Variants in PTPRG observed in about 807,000 individuals in gnomAD.
The protein encoded by PTPRG is protein tyrosine phosphatase receptor type G.
A neutral mutation model predicts 165.3 loss-of-function variants in PTPRG; 102 were observed. That is an observed-to-expected ratio of 0.62 (90% confidence interval 0.53 to 0.73). The LOEUF (loss-of-function observed/expected upper bound fraction) is 0.73, where lower values mean the gene tolerates loss of function less well. Among genes scored for constraint, PTPRG ranks in the 30% least tolerant of loss-of-function variants. PTPRG has a pLI of 0.00. For missense variants in PTPRG, 1,866 were observed against 1,861.4 expected, an observed-to-expected ratio of 1.00 and a Z score of -0.05; for synonymous variants, 675 against 669.5, an observed-to-expected ratio of 1.01 and a Z score of -0.13.
chr3:62,159,997 C>T (rs1273411437), intron 7 of PTPRG, among the ~76,000 whole-genome samples: 2 of 152,208 alleles, frequency 1.3e-5, no homozygotes, highest in African/African-American at 4.8e-5. Flanking sequence ...ACAGAATGTT[C>T]ATTTCAGAAA....
intron 2 of PTPRG, among the ~76,000 whole-genome samples, chr3:61,775,959 G>A (rs1172185752): frequency 6.6e-6 from 1 of 151,654 alleles, no homozygotes; most frequent in African/African-American, 2.4e-5. Flanking sequence ...GATAGCATTA[G>A]GAGATATAAC....
At chr3:62,285,641 A>AAT (rs1702622771) in intron 28 of PTPRG, among the ~76,000 whole-genome samples, 1 of 152,100 alleles carries the variant, frequency 6.6e-6, no homozygotes, top group African/African-American at 2.4e-5. Flanking sequence ...GCACAGCTTA[A>AAT]AGACAAACTG....
At chr3:61,590,623 A>G (rs181402390) in intron 1 of PTPRG, among the ~76,000 whole-genome samples, 2 of 152,338 alleles carry the variant, frequency 1.3e-5, no homozygotes, top group African/African-American at 4.8e-5. Context: ...GCTGCCCTAG[A>G]GTATGAAGAG....
chr3:61,621,763 C>A (rs2106903113), intron 1 of PTPRG, among the ~76,000 whole-genome samples: 1 of 152,194 alleles, frequency 6.6e-6, no homozygotes, highest in African/African-American at 2.4e-5. Context: ...TAGATATGTC[C>A]CTTCATCCAA....
At chr3:62,145,503 T>G (rs111774337) in intron 6 of PTPRG, among the ~76,000 whole-genome samples, 8 of 152,290 alleles carry the variant, frequency 5.3e-5, no homozygotes, top group Admixed American at 2.0e-4. Context: ...GTTGCTCAAC[T>G]TAATTCGTCC....
chr3:61,899,223 C>T (rs1470378723), intron 2 of PTPRG, among the ~76,000 whole-genome samples: 1 of 152,106 alleles, frequency 6.6e-6, no homozygotes, highest in Non-Finnish European at 1.5e-5. Context: ...GCCTAGGTTC[C>T]TTGTGTGCCC....
At chr3:61,751,582 G>A (rs1176997062) in intron 2 of PTPRG, among the ~76,000 whole-genome samples, 3 of 152,154 alleles carry the variant, frequency 2.0e-5, no homozygotes, top group East Asian at 3.9e-4. Flanking sequence ...AGTTCAAAGC[G>A]AAGTTTTGTT....
chr3:62,281,916 C>G (rs1446759364), intron 27 of PTPRG, among the ~76,000 whole-genome samples: 3 of 151,934 alleles, frequency 2.0e-5, no homozygotes, highest in South Asian at 4.1e-4. Flanking sequence ...TCCTCTGATT[C>G]AGCATGCATA....
rs80217608 is a variant in PTPRG at position 61,847,428 on chromosome 3, C to G, written c.190+98446C>G. On this transcript the variant is annotated intron_variant, in intron 2 of 29. Coordinates refer to ENST00000474889, the MANE Select transcript of PTPRG (RefSeq NM_002841.4). ...CACCTTGATCTTGGACTTCTGCCCTCCAGAGCTGTGAGACAACAACTGTTG... is the reference window on the plus strand; with the variant it reads ...CACCTTGATCTTGGACTTCTGCCCTGCAGAGCTGTGAGACAACAACTGTTG... Among the ~76,000 whole-genome samples, 74 of 152,270 alleles carry G rather than the reference C, an allele frequency of 4.9e-4. 1 individual carries two copies. In the East Asian group the frequency reaches 6.9e-3, roughly 14 times the overall value.
rs745595266 is a variant in PTPRG at position 61,888,322 on chromosome 3, G to GT, written c.191-101295dup. ...TATTTCTGTTCTAGGAAAATGGGTT[G>GT]TTTTTTTTGTTTGTTTGTTTGTTGT... On this transcript the variant is annotated intron_variant, in intron 2 of 29. Coordinates refer to ENST00000474889, the MANE Select transcript of PTPRG (RefSeq NM_002841.4). Among the ~76,000 whole-genome samples the GT allele has an allele frequency of 3.6e-3, 543 of 149,502 alleles. 3 individuals are homozygous for GT. Among genetic ancestry groups the GT allele is most frequent in the African/African-American group, 0.013 (512 of 39,534 alleles).
At chr3:62,276,268 G>C (rs530214553) in intron 24 of PTPRG, among the ~76,000 whole-genome samples, 1 of 152,116 alleles carries the variant, frequency 6.6e-6, no homozygotes, top group Non-Finnish European at 1.5e-5. Flanking sequence ...GTAGAATACA[G>C]CTTCATTTCA....
At chr3:61,933,288 A>T (rs2039406148) in intron 2 of PTPRG, among the ~76,000 whole-genome samples, 1 of 152,190 alleles carries the variant, frequency 6.6e-6, no homozygotes, top group South Asian at 2.1e-4. Context: ...TCCCCTCTGC[A>T]GTAAGAGTGC....
intron 1 of PTPRG, among the ~76,000 whole-genome samples, chr3:61,742,303 A>T (rs565344129): frequency 6.6e-6 from 1 of 152,196 alleles, no homozygotes; most frequent in South Asian, 2.1e-4. Context: ...GGCTCTGGGA[A>T]ATTAAATGAG....
At chr3:62,060,371 A>G (rs1700769524) in intron 4 of PTPRG, among the ~76,000 whole-genome samples, 1 of 152,192 alleles carries the variant, frequency 6.6e-6, no homozygotes, top group Non-Finnish European at 1.5e-5. Context: ...TCCTGCAAGC[A>G]GTAATAGGTA....
chr3:61,700,942 C>G (rs1489999277), intron 1 of PTPRG, among the ~76,000 whole-genome samples: 2 of 152,176 alleles, frequency 1.3e-5, no homozygotes, highest in Admixed American at 1.3e-4. Flanking sequence ...AGCTTTGCCC[C>G]TATCCGGGTC....
At chr3:62,249,795 A>T (rs1474772649) in intron 15 of PTPRG, among the ~76,000 whole-genome samples, 1 of 152,200 alleles carries the variant, frequency 6.6e-6, no homozygotes, top group Non-Finnish European at 1.5e-5. Context: ...CCTCAAAGCC[A>T]AAGAATATCA....
chr3:61,960,491 C>T (rs1326991028), intron 2 of PTPRG, among the ~76,000 whole-genome samples: 2 of 152,118 alleles, frequency 1.3e-5, no homozygotes, highest in Non-Finnish European at 2.9e-5. Context: ...TTGATCAAGT[C>T]ATAAACCTAA....
At chr3:62,125,049 A>C (rs1160407337) in intron 5 of PTPRG, among the ~76,000 whole-genome samples, 1 of 152,166 alleles carries the variant, frequency 6.6e-6, no homozygotes, top group East Asian at 1.9e-4. Context: ...TGAATCAATG[A>C]GTTTAAGGAG....
intron 1 of PTPRG, among the ~76,000 whole-genome samples, chr3:61,711,113 A>G (rs889955332): frequency 2.6e-5 from 4 of 152,046 alleles, no homozygotes; most frequent in South Asian, 2.1e-4. Context: ...ATCCTTTTTT[A>G]TGGCTGCATA....
Sources: allele counts gnomAD v4.1 joint callset (sites outside exome capture counted in the v4.1 genomes callset), GRCh38; gene constraint gnomAD v4.1.1; transcripts MANE v1.5; gene names NCBI Gene and HGNC (gene_info 2026-07-23, HGNC 2026-07-21).